Variants in HAVCR1 observed in about 807,000 individuals in gnomAD.
The protein encoded by HAVCR1 is hepatitis A virus cellular receptor 1.
HAVCR1 carries 34 observed loss-of-function variants against 32.0 expected under a neutral mutation model. That is an observed-to-expected ratio of 1.06 (90% CI 0.81 to 1.42). The LOEUF (loss-of-function observed/expected upper bound fraction) is 1.42. Ranked by LOEUF, HAVCR1 falls within the 40% of genes most tolerant of loss-of-function variation. The probability of loss-of-function intolerance (pLI) is 0.00; values close to 1 mark genes in which losing one functional copy is unlikely to be tolerated. For missense variants in HAVCR1, 420 were observed against 442.3 expected (o/e 0.95, Z 0.45); for synonymous variants, 178 against 170.3 (o/e 1.05, Z -0.35).
intron 5 of HAVCR1, among the ~76,000 whole-genome samples, chr5:157,045,133 C>T (rs961367288): frequency 1.3e-5 from 2 of 151,904 alleles, no homozygotes; most frequent in African/African-American, 4.8e-5. Context: ...AAATTAGGCA[C>T]AGAACGATAT....
intron 2 of HAVCR1, among the ~76,000 whole-genome samples, chr5:157,057,451 GA>G (rs1199589983): frequency 8.9e-6 from 1 of 111,978 alleles, no homozygotes; most frequent in Non-Finnish European, 2.1e-5. Flanking sequence ...AAGAAAGAAA[GA>G]AAGAAAGAAA....
chr5:157,065,961 C>T, the HAVCR1 span, among the ~76,000 whole-genome samples: 2 of 150,324 alleles, frequency 1.3e-5, no homozygotes, highest in South Asian at 4.2e-4. Flanking sequence ...GAGGCTGAGG[C>T]AGGAGAATGG....
intron 6 of HAVCR1, among the ~76,000 whole-genome samples, chr5:157,040,745 C>T (rs972938549): frequency 6.6e-6 from 1 of 151,898 alleles, no homozygotes; most frequent in African/African-American, 2.4e-5. Context: ...ACTAAAAACA[C>T]AAAAACTAGC....
chr5:157,029,669 G>A lies in HAVCR1; in HGVS notation c.*64C>T, dbSNP rs746516163. 2.5e-6 allele frequency: 4 copies of A among 1,607,058 alleles called. No homozygotes were observed. The highest frequency in any genetic ancestry group is 2.2e-5 in the East Asian group (1 of 44,800). ...TCTTGGGGTCTAAAAGACGTCTGAT[G>A]TGCTGATGTCTGTTCAGTCTTCTGC... On this transcript the variant is annotated 3_prime_UTR_variant, in exon 9 of 9. Coordinates refer to ENST00000523175, the MANE Select transcript of HAVCR1 (RefSeq NM_001173393.3).
chr5:157,035,743 G>A (rs1386904253), intron 7 of HAVCR1, among the ~76,000 whole-genome samples: 1 of 151,646 alleles, frequency 6.6e-6, no homozygotes, highest in South Asian at 2.1e-4. Flanking sequence ...GTTGGCCCTC[G>A]ATGTCCACAG....
chr5:157,036,045 G>C (rs1754508475), intron 7 of HAVCR1, among the ~76,000 whole-genome samples: 1 of 152,126 alleles, frequency 6.6e-6, no homozygotes, highest in African/African-American at 2.4e-5. Context: ...AGGAACACCT[G>C]TATTTAGTTT....
At chr5:157,036,204 C>A (rs112152484) in intron 7 of HAVCR1, among the ~76,000 whole-genome samples, 2,006 of 152,234 alleles carry the variant, frequency 0.013, 60 homozygotes, top group African/African-American at 0.047. Context: ...TTCGGCCGGG[C>A]GTGGTGGCTC....
chr5:157,056,491 C>T (rs4073553), intron 2 of HAVCR1, among the ~76,000 whole-genome samples: 15 of 151,216 alleles, frequency 9.9e-5, no homozygotes, highest in Admixed American at 8.6e-4. Flanking sequence ...GCCATTCTCC[C>T]GCCTCAGCCT....
intron 5 of HAVCR1, among the ~76,000 whole-genome samples, chr5:157,043,347 T>C (rs1028814809): frequency 6.6e-6 from 1 of 152,222 alleles, no homozygotes; most frequent in African/African-American, 2.4e-5. Flanking sequence ...TCAACATGTT[T>C]TAAAATATCT....
At chr5:157,042,498 C>A in intron 6 of HAVCR1, 129 bp downstream of exon 6, 7 of 510,016 alleles carry the variant, frequency 1.4e-5, no homozygotes, top group South Asian at 3.3e-5. Context: ...TTATTTTCTT[C>A]AACTTTTTTT....
intron 2 of HAVCR1, among the ~76,000 whole-genome samples, chr5:157,057,362 A>AAGAGAGAGAGAGAG (rs140801641): frequency 2.2e-4 from 28 of 130,054 alleles, no homozygotes; most frequent in African/African-American, 9.0e-4. Flanking sequence ...AGACCTCATG[A>AAGAGAGAGAGAGAG]AGAGAGAGAG....
At chr5:157,041,842 T>A (rs1226699553) in intron 6 of HAVCR1, among the ~76,000 whole-genome samples, 1 of 152,142 alleles carries the variant, frequency 6.6e-6, no homozygotes, top group Admixed American at 6.5e-5. Flanking sequence ...GTAGATTGCC[T>A]GAGGTCAGGA....
chr5:157,043,523 G>T (rs1317861045), intron 5 of HAVCR1, among the ~76,000 whole-genome samples: 1 of 152,226 alleles, frequency 6.6e-6, no homozygotes, highest in South Asian at 2.1e-4. Flanking sequence ...CAAAAAATTA[G>T]CTGGGCATGG....
intron 5 of HAVCR1, among the ~76,000 whole-genome samples, chr5:157,044,122 A>G (rs994589756): frequency 6.6e-6 from 1 of 152,060 alleles, no homozygotes; most frequent in African/African-American, 2.4e-5. Flanking sequence ...CCTTGAAGTC[A>G]GGAGTTCAAG....
chr5:157,031,599 G>C (rs907168830), intron 8 of HAVCR1, among the ~76,000 whole-genome samples: 1 of 151,968 alleles, frequency 6.6e-6, no homozygotes, highest in African/African-American at 2.4e-5. Flanking sequence ...CAAGGTAGGC[G>C]GATCACCTGA....
At chr5:157,036,898 G>GT (rs151088275) in intron 7 of HAVCR1, among the ~76,000 whole-genome samples, 5,260 of 145,372 alleles carry the variant, frequency 0.036, 295 homozygotes, top group African/African-American at 0.13. Flanking sequence ...TTTTGTTTTT[G>GT]TTTTTTTTTA....
chr5:157,036,042 C>T (rs1279900150), intron 7 of HAVCR1, among the ~76,000 whole-genome samples: 1 of 152,126 alleles, frequency 6.6e-6, no homozygotes, highest in Non-Finnish European at 1.5e-5. Flanking sequence ...CTGAGGAACA[C>T]CTGTATTTAG....
At chr5:157,048,826 T>C (rs13163099) in intron 5 of HAVCR1, among the ~76,000 whole-genome samples, 1 of 120,414 alleles carries the variant, frequency 8.3e-6, no homozygotes, top group African/African-American at 3.1e-5. Flanking sequence ...CGAGACTCCA[T>C]CTCAGAAAAA....
In HAVCR1 at chr5:157,029,720, G is replaced by T. The variant is rs111759551; in HGVS notation, c.*13C>A. 2,672 of 1,612,780 alleles carry T rather than the reference G, an allele frequency of 1.7e-3. 36 individuals are homozygous for T. The African/African-American group carries it at 0.028, about 17-fold the overall frequency. ...ACTCATGGGCGTAAACTCTCAAAGA[G>T]CACCACTGGGTCTTAGTCCGTGGCA... On this transcript the variant is annotated 3_prime_UTR_variant, in exon 9 of 9. Transcript: ENST00000523175.
Sources: gnomAD v4.1 joint callset for allele counts (sites outside exome capture counted in the v4.1 genomes callset) on GRCh38, gnomAD v4.1.1 for gene constraint, MANE v1.5 for transcripts, NCBI Gene and HGNC (gene_info 2026-07-23, HGNC 2026-07-21) for gene names.